The following FHAD1 variants were observed in gnomAD, a reference collection of about 807,000 sequenced individuals.
FHAD1 encodes the protein forkhead-associated domain-containing protein 1.
A neutral mutation model predicts 191.3 loss-of-function variants in FHAD1; 146 were observed. The observed-to-expected ratio is 0.76, with a 90% CI of 0.67 to 0.88. The LOEUF is 0.88. Ranked by LOEUF, FHAD1 falls within the 40% of genes least tolerant of loss-of-function variation. The pLI is 0.00. For missense variants in FHAD1, 1,635 were observed against 1,785.8 expected, an observed-to-expected ratio of 0.92 and a Z score of 1.52; for synonymous variants, 616 against 672.3, an observed-to-expected ratio of 0.92 and a Z score of 1.29.
At chr1:15,374,864 G>T (rs10927777) in intron 27 of FHAD1, among the ~76,000 whole-genome samples, 13,232 of 70,220 alleles carry the variant, frequency 0.19, 1,782 homozygotes, top group African/African-American at 0.51. Flanking sequence ...TTTTTTGTTT[G>T]TTTTTTTTTT....
chr1:15,262,725 C>T (rs555078070), intron 2 of FHAD1, among the ~76,000 whole-genome samples: 1 of 152,192 alleles, frequency 6.6e-6, no homozygotes, highest in Non-Finnish European at 1.5e-5. Flanking sequence ...TTGCTTTCAC[C>T]ATTTGGCTAC....
chr1:15,293,150 C>T (rs1574046520), intron 4 of FHAD1, among the ~76,000 whole-genome samples: 1 of 152,256 alleles, frequency 6.6e-6, no homozygotes, highest in Non-Finnish European at 1.5e-5. Context: ...AGTGAACACT[C>T]ACTACGTTTT....
intron 1 of FHAD1, among the ~76,000 whole-genome samples, chr1:15,248,154 G>A (rs1646327697): frequency 6.6e-6 from 1 of 151,822 alleles, no homozygotes. Flanking sequence ...TTACTTTTAA[G>A]CATTGTTTTG....
Position 15,318,112 on chromosome 1 carries a change from G to A in FHAD1, c.1365+184G>A, listed in dbSNP as rs1675067698. Among the ~76,000 whole-genome samples the A allele has an allele frequency of 6.6e-6, 1 of 152,166 alleles. No individual in the cohort carries two copies. The highest frequency in any genetic ancestry group is 2.4e-5 in the African/African-American group (1 of 41,440). ...GTAGTTGTGGCAGGACTTGAACCCA[G>A]GTTGGTCTGACTCCAAGGCCCCTGT... On this transcript the variant is annotated intron_variant, in intron 10 of 33. Coordinates refer to ENST00000688493, the MANE Select transcript of FHAD1 (RefSeq NM_001391957.1). The surrounding 1 kb of genome is among the most constrained non-coding windows in gnomAD (Gnocchi z 4.1).
chr1:15,294,331 T>C (rs1201026280), intron 4 of FHAD1, among the ~76,000 whole-genome samples: 1 of 152,210 alleles, frequency 6.6e-6, no homozygotes, highest in Non-Finnish European at 1.5e-5. Context: ...TTATTCTAGG[T>C]CAGGGTTTCT....
At chr1:15,348,973 C>T in intron 18 of FHAD1, 69 bp from the exon 19 acceptor site, 1 of 917,458 alleles carries the variant, frequency 1.1e-6, no homozygotes, top group Non-Finnish European at 1.7e-6. Context: ...TTATTATTAT[C>T]ATTATCATTA....
At chr1:15,383,464 C>T (rs1265780776) in intron 31 of FHAD1, 11 of 348,384 alleles carry the variant, frequency 3.2e-5, no homozygotes, top group Non-Finnish European at 5.7e-5. Flanking sequence ...AAGCAAGTCA[C>T]ACATGAGCAG....
rs771774392 is a variant in FHAD1 at position 15,329,431 on chromosome 1, C to T, written c.1796C>T (p.Ser599Leu). ...CACCTCCAGGTGAGCCCACCTGTCTCGGGGCTCCAGAAGGTGGTGCTGGAC... is the reference window on the plus strand; with the variant it reads ...CACCTCCAGGTGAGCCCACCTGTCTTGGGGCTCCAGAAGGTGGTGCTGGAC... ...LQHLQVSPPVSGLQKVVLDVL... is the reference protein window; with the variant it reads ...LQHLQVSPPVLGLQKVVLDVL... The change falls in exon 14 of 34, where the codon TCG (serine) becomes TTG (leucine). Residue 599 changes from serine to leucine, a missense_variant. Ser to Leu is a moderately radical substitution (Grantham distance 145). Transcript: ENST00000688493. This position sits in a 1 kb window ranked among gnomAD's most constrained non-coding sequence, Gnocchi z 5.0. 77 of 1,551,174 alleles carry T rather than the reference C, an allele frequency of 5.0e-5. 1 individual carries two copies. The highest frequency in any genetic ancestry group is 5.8e-5 in the Non-Finnish European group (67 of 1,146,960).
chr1:15,248,795 C>T (rs1646416692), intron 1 of FHAD1, among the ~76,000 whole-genome samples: 1 of 152,156 alleles, frequency 6.6e-6, no homozygotes, highest in Non-Finnish European at 1.5e-5. Context: ...GCCATGTTGG[C>T]CAGGCTGGTC....
At chr1:15,372,105 G>C (rs758604249) in intron 26 of FHAD1, among the ~76,000 whole-genome samples, 1 of 152,188 alleles carries the variant, frequency 6.6e-6, no homozygotes. Context: ...GAACTGCACA[G>C]CAGGATTCAG....
In FHAD1 at chr1:15,388,578, AG is replaced by A. The variant is rs372979665; in HGVS notation, c.4269+453del. ...GAATCCCTGTCCTAAGAATGAAATG[AG>A]GGGGGTGAAAGAAGGTGGGAGTGGC... On this transcript the variant is annotated intron_variant, in intron 32 of 33. Transcript: ENST00000688493. 1.6e-4 allele frequency among the ~76,000 whole-genome samples: 25 copies of A among 151,540 alleles called. 1 individual carries two copies. In the South Asian group the frequency reaches 4.6e-3, roughly 28 times the overall value.
At position 15,289,366 on chromosome 1, in the gene FHAD1, A is replaced by G. The variant is rs1414594229; in HGVS notation, c.301-33A>G. On this transcript the variant is annotated intron_variant, in intron 3 of 33. Coordinates refer to ENST00000688493, the MANE Select transcript of FHAD1 (RefSeq NM_001391957.1). The surrounding 1 kb of genome is among the most constrained non-coding windows in gnomAD (Gnocchi z 4.2). ...GAAATGGAGACCATCCCAGCCGGTC[A>G]TAACCTCCCCTGACCCTTGTCTGCC... The G allele has an allele frequency of 1.3e-6, 2 of 1,541,270 alleles. No homozygotes were observed. Among genetic ancestry groups the G allele is most frequent in the African/African-American group, 2.7e-5 (2 of 72,838 alleles).
rs1230448668 is a variant in FHAD1 at position 15,358,127 on chromosome 1, G to A, written c.2580G>A (p.Glu860=). 45 of 1,511,108 alleles carry A rather than the reference G, an allele frequency of 3.0e-5. No homozygotes were observed. The highest frequency in any genetic ancestry group is 3.8e-5 in the Non-Finnish European group (43 of 1,136,624). 93.6% of individuals were successfully genotyped at this position (1,511,108 alleles called of 1,614,324 possible). A position where few individuals can be genotyped will look rare whatever the true frequency, so the allele number is the denominator to read the frequency against. ...TTGTCTAGGAATTAGAATTAAAAGAGCAAAAAGAGGACGTTTTAAATAATA... is the reference window on the plus strand; with the variant it reads ...TTGTCTAGGAATTAGAATTAAAAGAACAAAAAGAGGACGTTTTAAATAATA... ...TKQKEELELK[E]QKEDVLNNKL... The change falls in exon 21 of 34, where the codon GAG becomes GAA. Residue 860 remains glutamate (E), a synonymous_variant. Coordinates refer to ENST00000688493, the MANE Select transcript of FHAD1 (RefSeq NM_001391957.1).
intron 3 of FHAD1, among the ~76,000 whole-genome samples, chr1:15,285,457 C>T (rs1238547651): frequency 6.6e-6 from 1 of 152,156 alleles, no homozygotes; most frequent in Non-Finnish European, 1.5e-5. Context: ...CGCTGGAACC[C>T]AGGAGGCGGA....
At chr1:15,375,529 TA>T in intron 27 of FHAD1, 73 bp from the exon 28 acceptor site, 1 of 1,370,928 alleles carries the variant, frequency 7.3e-7, no homozygotes, top group Non-Finnish European at 9.7e-7. Flanking sequence ...GTCCTGTAAA[TA>T]GTTGCTATGG....
chr1:15,275,087 C>T (rs1423411918), intron 3 of FHAD1, among the ~76,000 whole-genome samples: 6 of 152,050 alleles, frequency 3.9e-5, no homozygotes, highest in Admixed American at 2.0e-4. Context: ...CTCAGCCTCC[C>T]GAGTAGCTGG....
At chr1:15,315,324 TAAC>T (rs963295535) in intron 8 of FHAD1, 14 of 152,120 alleles carry the variant, frequency 9.2e-5, no homozygotes, top group African/African-American at 3.1e-4. Flanking sequence ...AACAGATATA[TAAC>T]AACAAATTTA....
At chr1:15,284,744 A>G (rs1358718311) in intron 3 of FHAD1, among the ~76,000 whole-genome samples, 1 of 152,152 alleles carries the variant, frequency 6.6e-6, no homozygotes, top group Non-Finnish European at 1.5e-5. Context: ...CGAGTACATT[A>G]CTGGTTGGGT....
chr1:15,268,546 TTCTAGA>T (rs1440002867), intron 2 of FHAD1, among the ~76,000 whole-genome samples: 146 of 130,166 alleles, frequency 1.1e-3, no homozygotes, highest in African/African-American at 3.7e-3. Context: ...GTATTTCTAG[TTCTAGA>T]TCCCTGAGGA....
Sources: allele counts gnomAD v4.1 joint callset (sites outside exome capture counted in the v4.1 genomes callset), GRCh38; gene constraint gnomAD v4.1.1; non-coding constraint Gnocchi (gnomAD v3.1); transcripts MANE v1.5; gene names NCBI Gene and HGNC (gene_info 2026-07-23, HGNC 2026-07-21).